Variants in MBNL3 observed in about 807,000 individuals in gnomAD.
The protein encoded by MBNL3 is muscleblind like splicing regulator 3, also known as muscleblind-like protein 3.
In MBNL3, 6 loss-of-function variants were observed where a neutral mutation model predicts 24.5. The ratio of observed to expected loss-of-function variants is 0.25; its 90% CI spans 0.13 to 0.48. The LOEUF is 0.48. MBNL3 is among the 20% of genes least tolerant of loss of function. The pLI, the probability that MBNL3 is intolerant of heterozygous loss-of-function variation, is 0.99. For missense variants in MBNL3, 230 were observed against 293.5 expected, an observed-to-expected ratio of 0.78 and a Z score of 1.58; for synonymous variants, 100 against 101.7, an observed-to-expected ratio of 0.98 and a Z score of 0.10.
In MBNL3 at chrX:132,372,716, G is replaced by GA. The variant is rs1394945910; in HGVS notation, c.*6949dup. ...AATCTTTAGGTTGTGTGTTTTCAGA[G>GA]AAAAAAGCACTGCTTAATAGTTAGG... is the stretch of plus-strand genomic sequence containing the variant. On this transcript the variant is annotated 3_prime_UTR_variant, in exon 9 of 9. Coordinates refer to ENST00000370853, the MANE Select transcript of MBNL3 (RefSeq NM_001386889.1). 9.1e-6 allele frequency: 1 copy of GA among 110,361 alleles called. No homozygotes were observed. The highest frequency in any genetic ancestry group is 1.9e-5 in the Non-Finnish European group (1 of 52,719). The allele number at this position is 110,361 out of a possible 1,213,427, so 9.1% of individuals were successfully genotyped here. A position where few individuals can be genotyped will look rare whatever the true frequency, so the allele number is the denominator to read the frequency against.
At chrX:132,385,883 T>C (rs1220807325) in intron 6 of MBNL3, among the ~76,000 whole-genome samples, 1 of 63,081 alleles carries the variant, frequency 1.6e-5, no homozygotes, top group Non-Finnish European at 2.9e-5. Context: ...GCATTTACCA[T>C]TGTGTCAAAA....
chrX:132,380,660 G>A (rs2065204626), intron 8 of MBNL3, among the ~76,000 whole-genome samples: 1 of 110,891 alleles, frequency 9.0e-6, no homozygotes, highest in African/African-American at 3.3e-5. Flanking sequence ...TCAAACTTTC[G>A]ATGATGAAGG....
intron 6 of MBNL3, 38 bp downstream of exon 6, chrX:132,386,623 C>T (rs773131418): frequency 2.3e-5 from 28 of 1,203,407 alleles, no homozygotes; most frequent in Non-Finnish European, 3.1e-5. Flanking sequence ...TTCACAACAT[C>T]ACCAAACTCG....
At chrX:132,394,730 C>T (rs1937723277) in intron 3 of MBNL3, among the ~76,000 whole-genome samples, 1 of 112,342 alleles carries the variant, frequency 8.9e-6, no homozygotes, top group African/African-American at 3.2e-5. Context: ...GAAAGCAATG[C>T]TTTCTGTTTA....
chrX:132,386,717 T>A lies in MBNL3; in HGVS notation c.866A>T (p.His289Leu). Residue 289 changes from histidine to leucine, a missense_variant, in exon 6 of 9, where the codon CAC (histidine) becomes CTC (leucine). Transcript: ENST00000370853. ...ATPVFNPTVF[H>L]CQQALTNLQL... ...CAGGTTAGTCAGAGCCTGTTGGCAG[T>A]GGAAAACAGTGGGATTAAAGACCGG... 1 of 1,210,773 alleles carries A rather than the reference T, an allele frequency of 8.3e-7. No individual in the cohort carries two copies. Among genetic ancestry groups the A allele is most frequent in the African/African-American group, 1.7e-5 (1 of 57,659 alleles).
Position 132,488,886 on chromosome X carries a change from C to G in MBNL3, c.-739G>C, listed in dbSNP as rs1288278177. On this transcript the variant is annotated 5_prime_UTR_variant, in exon 1 of 9. Transcript: ENST00000370853. ...TAGCGCAAACCCAGAGGCTAAGGGG[C>G]CCTGCTCTCAGCGGCAGCAGCAGGG... is the stretch of plus-strand genomic sequence containing the variant. The G allele has an allele frequency of 8.8e-6, 1 of 113,563 alleles. No individual in the cohort carries two copies. The highest frequency in any genetic ancestry group is 1.9e-5 in the Non-Finnish European group (1 of 53,506). 9.4% of individuals were successfully genotyped at this position (113,563 alleles called of 1,213,427 possible). A position where few individuals can be genotyped will look rare whatever the true frequency, so the allele number is the denominator to read the frequency against.
Position 132,425,825 on chromosome X carries a change from A to T in MBNL3, c.177+13610T>A, listed in dbSNP as rs771297991. Among the ~76,000 whole-genome samples the T allele has an allele frequency of 1.2e-3, 131 of 112,115 alleles. 1 individual carries two copies. The highest frequency in any genetic ancestry group is 9.3e-3 in the Middle Eastern group (2 of 215). Reference sequence around the variant, plus strand: ...AACAATGGCCACTAAGTAATTTTTTAAAAAAATCCGTATATAACGTAAAAG... The same window carrying T: ...AACAATGGCCACTAAGTAATTTTTTTAAAAAATCCGTATATAACGTAAAAG... On this transcript the variant is annotated intron_variant, in intron 2 of 8. Transcript: ENST00000370853.
rs141967707 is a variant in MBNL3 at position 132,390,082 on chromosome X, A to G, written c.771+765T>C. 8.2e-3 allele frequency among the ~76,000 whole-genome samples: 890 copies of G among 107,918 alleles called. 5 individuals are homozygous for G. The highest frequency in any genetic ancestry group is 0.013 in the Non-Finnish European group (653 of 52,218). The allele number at this position is 107,918 out of a possible 115,157, so 93.7% of individuals were successfully genotyped here. A position where few individuals can be genotyped will look rare whatever the true frequency, so the allele number is the denominator to read the frequency against. On this transcript the variant is annotated intron_variant, in intron 5 of 8. Coordinates refer to ENST00000370853, the MANE Select transcript of MBNL3 (RefSeq NM_001386889.1). Reference sequence around the variant, plus strand: ...GTGGTGCACGCCTCTAGTCCCAGCTACTCAGGAGGCTAAGGCTAGAGAATT... The same window carrying G: ...GTGGTGCACGCCTCTAGTCCCAGCTGCTCAGGAGGCTAAGGCTAGAGAATT...
At chrX:132,421,330 G>A (rs1031580794) in intron 2 of MBNL3, among the ~76,000 whole-genome samples, 6 of 111,202 alleles carry the variant, frequency 5.4e-5, no homozygotes, top group African/African-American at 2.0e-4. Context: ...CCTAAAAGAG[G>A]TAATATATTA....
chrX:132,485,487 A>G (rs1048282753), intron 1 of MBNL3, among the ~76,000 whole-genome samples: 4 of 112,229 alleles, frequency 3.6e-5, no homozygotes, highest in African/African-American at 1.3e-4. Flanking sequence ...TGTGGATGTT[A>G]TTAACATCCA....
In MBNL3 at chrX:132,390,835, G is replaced by A. The variant is rs763646383; in HGVS notation, c.771+12C>T. ...ACTCTGAAACAGGCCACAAGTGCAG[G>A]CCTTTTCTTACCATGGCAGAGGCAG... On this transcript the variant is annotated intron_variant, in intron 5 of 8. Coordinates refer to ENST00000370853, the MANE Select transcript of MBNL3 (RefSeq NM_001386889.1). The A allele has an allele frequency of 8.4e-7, 1 of 1,190,016 alleles. No homozygotes were observed. Among genetic ancestry groups the A allele is most frequent in the South Asian group, 1.8e-5 (1 of 56,357 alleles).
intron 1 of MBNL3, among the ~76,000 whole-genome samples, chrX:132,466,472 A>T (rs1395324263): frequency 2.7e-5 from 3 of 112,505 alleles, no homozygotes; most frequent in Admixed American, 9.4e-5. Flanking sequence ...CATTCAATCA[A>T]ATAAAGTGTA....
At chrX:132,460,803 T>C (rs1012386407) in intron 1 of MBNL3, among the ~76,000 whole-genome samples, 1 of 110,998 alleles carries the variant, frequency 9.0e-6, no homozygotes, top group African/African-American at 3.3e-5. Context: ...GGTGCACCCA[T>C]TACCCGAGAA....
At chrX:132,381,427 G>C (rs777442091) in intron 8 of MBNL3, 1 of 1,139,863 alleles carries the variant, frequency 8.8e-7, no homozygotes, top group African/African-American at 1.8e-5. Context: ...TTGATAATTG[G>C]GGTATCTATA....
intron 1 of MBNL3, among the ~76,000 whole-genome samples, chrX:132,482,660 G>A (rs1390811337): frequency 1.8e-5 from 2 of 112,249 alleles, no homozygotes; most frequent in Non-Finnish European, 3.8e-5. Context: ...TCCAGATCAG[G>A]TTATGTATTT....
At chrX:132,412,870 G>A (rs189265320) in intron 2 of MBNL3, among the ~76,000 whole-genome samples, 3 of 112,224 alleles carry the variant, frequency 2.7e-5, no homozygotes, top group South Asian at 3.7e-4. Flanking sequence ...CAAACACAAC[G>A]AAGCACATTG....
intron 2 of MBNL3, chrX:132,413,532 G>A (rs1192093088): frequency 2.6e-6 from 3 of 1,160,832 alleles, no homozygotes; most frequent in Non-Finnish European, 3.4e-6. Flanking sequence ...GGCTCTCCCA[G>A]GCCTTCATTT....
At chrX:132,395,789 C>T (rs1470621824) in intron 3 of MBNL3, among the ~76,000 whole-genome samples, 1 of 111,425 alleles carries the variant, frequency 9.0e-6, no homozygotes, top group African/African-American at 3.3e-5. Context: ...ATAAAGGCTG[C>T]AGACTCTGTC....
intron 2 of MBNL3, among the ~76,000 whole-genome samples, chrX:132,420,638 G>T (rs1943723726): frequency 9.0e-6 from 1 of 110,640 alleles, no homozygotes; most frequent in Non-Finnish European, 1.9e-5. Flanking sequence ...TGATTGATCG[G>T]GTGTGAGCTA....
Sources: gnomAD v4.1 joint callset for allele counts (sites outside exome capture counted in the v4.1 genomes callset) on GRCh38, gnomAD v4.1.1 for gene constraint, MANE v1.5 for transcripts, NCBI Gene and HGNC (gene_info 2026-07-23, HGNC 2026-07-21) for gene names.